The following CACNA2D1 variants were observed in gnomAD, a reference collection of about 807,000 sequenced individuals.
The protein encoded by CACNA2D1 is calcium voltage-gated channel auxiliary subunit alpha2delta 1.
A neutral mutation model predicts 171.5 loss-of-function variants in CACNA2D1; 53 were observed. The ratio of observed to expected loss-of-function variants is 0.31; its 90% confidence interval spans 0.25 to 0.39. The LOEUF is 0.39. Among genes scored for constraint, CACNA2D1 ranks in the 10% least tolerant of loss-of-function variants. The pLI is 1.00. For missense variants in CACNA2D1, 903 were observed against 1,299.8 expected (o/e 0.69, Z 4.69); for synonymous variants, 442 against 443.1 (o/e 1.00, Z 0.03).
At chr7:82,117,217 CATAA>C (rs771029452) in intron 5 of CACNA2D1, 44 bp from the exon 6 acceptor site, 1 of 1,594,116 alleles carries the variant, frequency 6.3e-7, no homozygotes, top group South Asian at 1.1e-5. Context: ...TTTTTGCTAA[CATAA>C]ATATTTTCAC....
chr7:82,265,899 G>A (rs1468758968), intron 3 of CACNA2D1, among the ~76,000 whole-genome samples: 1 of 151,824 alleles, frequency 6.6e-6, no homozygotes, highest in Non-Finnish European at 1.5e-5. Flanking sequence ...TTATTTTATT[G>A]GTCTAATCTC....
At chr7:82,262,750 CT>C (rs1187799329) in intron 3 of CACNA2D1, among the ~76,000 whole-genome samples, 1 of 152,124 alleles carries the variant, frequency 6.6e-6, no homozygotes, top group East Asian at 1.9e-4. Flanking sequence ...CAGAATTCCT[CT>C]TCCCCAAGGC....
At chr7:82,138,681 C>T (rs995439922) in intron 4 of CACNA2D1, among the ~76,000 whole-genome samples, 3 of 151,998 alleles carry the variant, frequency 2.0e-5, no homozygotes, top group African/African-American at 7.2e-5. Flanking sequence ...CTCCTGACCT[C>T]GTGATCCGCC....
At chr7:81,961,162 C>T (rs1794070301) in intron 36 of CACNA2D1, among the ~76,000 whole-genome samples, 2 of 151,942 alleles carry the variant, frequency 1.3e-5, no homozygotes, top group African/African-American at 4.8e-5. Flanking sequence ...CAAAGTGTCT[C>T]TACTCTGTGC....
chr7:82,027,022 T>C (rs1027836909), intron 12 of CACNA2D1, among the ~76,000 whole-genome samples: 2 of 151,570 alleles, frequency 1.3e-5, no homozygotes, highest in African/African-American at 2.4e-5. Flanking sequence ...CTTCAGGAGA[T>C]AGAGAAGAGA....
At chr7:82,326,310 T>C (rs962111257) in intron 3 of CACNA2D1, among the ~76,000 whole-genome samples, 12 of 152,244 alleles carry the variant, frequency 7.9e-5, no homozygotes, top group Admixed American at 2.0e-4. Flanking sequence ...AGTGGGAAAA[T>C]TGGTTTGTTA....
intron 3 of CACNA2D1, among the ~76,000 whole-genome samples, chr7:82,282,103 C>T (rs1423383491): frequency 6.6e-6 from 1 of 152,066 alleles, no homozygotes; most frequent in Non-Finnish European, 1.5e-5. Flanking sequence ...TCAAGACCAA[C>T]CTTGTCAACA....
rs1792181898 is a variant in CACNA2D1, at chr7:81,948,094, T to C, written c.*2298A>G. 1 of 151,894 alleles carries C rather than the reference T, an allele frequency of 6.6e-6. No individual in the cohort carries two copies. The highest frequency in any genetic ancestry group is 2.4e-5 in the African/African-American group (1 of 41,428). 9.4% of individuals were successfully genotyped at this position (151,894 alleles called of 1,614,324 possible). On this transcript the variant is annotated 3_prime_UTR_variant, in exon 39 of 39. Transcript: ENST00000356860. ...AAATATATTTAATAGATTTTGAACATAATTTTAAGGTAGTTTGTTGTATGC... is the reference window on the plus strand; with the variant it reads ...AAATATATTTAATAGATTTTGAACACAATTTTAAGGTAGTTTGTTGTATGC...
chr7:82,369,982 C>A (rs750526235), intron 1 of CACNA2D1, among the ~76,000 whole-genome samples: 14 of 151,996 alleles, frequency 9.2e-5, no homozygotes, highest in Non-Finnish European at 1.6e-4. Flanking sequence ...AAATGTCCCC[C>A]AAAATCTTTT....
chr7:81,982,588 CCA>C lies in CACNA2D1; in HGVS notation c.1932_1933del (p.Gly645LeufsTer12). On this transcript the variant is annotated frameshift_variant, in exon 24 of 39. Transcript: ENST00000356860. LOFTEE classifies it high-confidence loss of function. The stretch of plus-strand genomic sequence containing the variant: ...CAACCTTGGTGCTATGAATGTATAG[CCA>C]GATTCTTCAAAATTATCTGGCTTCA... The C allele has an allele frequency of 1.2e-6, 2 of 1,607,040 alleles. No homozygotes were observed. The highest frequency in any genetic ancestry group is 1.7e-6 in the Non-Finnish European group (2 of 1,173,972).
chr7:82,005,217 C>G, intron 18 of CACNA2D1: 1 of 527,182 alleles, frequency 1.9e-6, no homozygotes, highest in South Asian at 2.5e-5. Flanking sequence ...AATGTTGCAG[C>G]TAAATTGGTA....
intron 1 of CACNA2D1, among the ~76,000 whole-genome samples, chr7:82,356,944 G>C (rs1820496551): frequency 1.3e-5 from 2 of 152,030 alleles, no homozygotes; most frequent in South Asian, 4.1e-4. Flanking sequence ...GAGTTGACTG[G>C]CAGTACAAGG....
At chr7:82,306,412 G>A (rs1813742047) in intron 3 of CACNA2D1, among the ~76,000 whole-genome samples, 1 of 152,166 alleles carries the variant, frequency 6.6e-6, no homozygotes, top group African/African-American at 2.4e-5. Context: ...AGAAGAAATT[G>A]TGTCTTAAGA....
chr7:82,238,301 C>T (rs1346991021), intron 3 of CACNA2D1, among the ~76,000 whole-genome samples: 1 of 151,902 alleles, frequency 6.6e-6, no homozygotes, highest in Non-Finnish European at 1.5e-5. Flanking sequence ...AATTTGTGAA[C>T]CAATCATCTA....
intron 3 of CACNA2D1, among the ~76,000 whole-genome samples, chr7:82,172,733 C>T (rs1796164591): frequency 6.8e-6 from 1 of 146,574 alleles, no homozygotes; most frequent in African/African-American, 2.5e-5. Flanking sequence ...CCATCCTGCC[C>T]GGCCAAAGAC....
chr7:82,051,467 T>C (rs557116089), intron 10 of CACNA2D1, among the ~76,000 whole-genome samples: 4 of 152,312 alleles, frequency 2.6e-5, no homozygotes, highest in African/African-American at 9.6e-5. Flanking sequence ...ATATTTTGAT[T>C]ATTTTTTTTT....
At chr7:82,307,626 C>T (rs551824864) in intron 3 of CACNA2D1, among the ~76,000 whole-genome samples, 2 of 151,716 alleles carry the variant, frequency 1.3e-5, no homozygotes, top group South Asian at 4.2e-4. Context: ...ATCATTTTCC[C>T]CTCCAAGGAG....
intron 1 of CACNA2D1, among the ~76,000 whole-genome samples, chr7:82,433,642 T>C (rs1401647279): frequency 6.6e-6 from 1 of 152,204 alleles, no homozygotes; most frequent in Non-Finnish European, 1.5e-5. Context: ...TCATGGCATC[T>C]CATTGCTTTC....
chr7:82,026,240 C>T (rs1356747505), intron 12 of CACNA2D1, among the ~76,000 whole-genome samples: 4 of 151,488 alleles, frequency 2.6e-5, no homozygotes, highest in African/African-American at 4.8e-5. Context: ...CATTCAGCCA[C>T]TCTGTGTCTT....
Sources: gnomAD v4.1 joint callset for allele counts (sites outside exome capture counted in the v4.1 genomes callset) on GRCh38, gnomAD v4.1.1 for gene constraint, MANE v1.5 for transcripts, NCBI Gene and HGNC (gene_info 2026-07-23, HGNC 2026-07-21) for gene names.